Variants in INPP4A observed in about 807,000 individuals in gnomAD.
The protein encoded by INPP4A is inositol polyphosphate-4-phosphatase, type I, 107kD.
A neutral mutation model predicts 119.8 loss-of-function variants in INPP4A; 33 were observed. That is an observed-to-expected ratio of 0.28 (90% CI 0.21 to 0.37). The LOEUF (loss-of-function observed/expected upper bound fraction) is 0.37. INPP4A is among the 10% of genes least tolerant of loss of function. INPP4A has a pLI of 1.00. For missense variants in INPP4A, 956 were observed against 1,289.9 expected, an observed-to-expected ratio of 0.74 and a Z score of 3.97; for synonymous variants, 496 against 500.7, an observed-to-expected ratio of 0.99 and a Z score of 0.12.
At chr2:98,500,908 A>G (rs1040504341) in intron 1 of INPP4A, among the ~76,000 whole-genome samples, 2 of 152,252 alleles carry the variant, frequency 1.3e-5, no homozygotes, top group African/African-American at 4.8e-5. Context: ...TGTTACTGCC[A>G]CTGGTGGAAT....
chr2:98,514,068 C>G (rs1336701867), intron 1 of INPP4A, among the ~76,000 whole-genome samples: 1 of 152,216 alleles, frequency 6.6e-6, no homozygotes, highest in Admixed American at 6.5e-5. Flanking sequence ...GTCTGGAACA[C>G]TGTGGTAGAG....
At chr2:98,564,070 G>A (rs1167573392) in intron 18 of INPP4A, among the ~76,000 whole-genome samples, 3 of 152,060 alleles carry the variant, frequency 2.0e-5, no homozygotes, top group Non-Finnish European at 4.4e-5. Flanking sequence ...TTATTGTTGA[G>A]AGAAGTGAAG....
chr2:98,587,082 T>C (rs753514739), intron 24 of INPP4A, among the ~76,000 whole-genome samples: 4 of 152,244 alleles, frequency 2.6e-5, no homozygotes, highest in Non-Finnish European at 5.9e-5. Context: ...AGCTCTGAAG[T>C]GCAACTTTAG....
At chr2:98,478,874 G>T (rs1485967556) in intron 1 of INPP4A, among the ~76,000 whole-genome samples, 1 of 152,126 alleles carries the variant, frequency 6.6e-6, no homozygotes, top group South Asian at 2.1e-4. Flanking sequence ...AAGAGGTCCG[G>T]TTTTTTTGTA....
chr2:98,530,427 G>C (rs181292144), intron 4 of INPP4A, among the ~76,000 whole-genome samples: 2 of 152,102 alleles, frequency 1.3e-5, no homozygotes, highest in Non-Finnish European at 2.9e-5. Context: ...TCTAGGGTCC[G>C]TTAGGGGAAG....
chr2:98,450,522 G>C (rs1344623319), intron 1 of INPP4A, among the ~76,000 whole-genome samples: 1 of 152,218 alleles, frequency 6.6e-6, no homozygotes, highest in African/African-American at 2.4e-5. Context: ...CCAGCTAGCT[G>C]TGTGACTTTG....
chr2:98,475,550 C>T (rs1050871019), intron 1 of INPP4A, among the ~76,000 whole-genome samples: 1 of 152,200 alleles, frequency 6.6e-6, no homozygotes, highest in African/African-American at 2.4e-5. Flanking sequence ...GTGCAAAATA[C>T]ATTTAATCTG....
intron 1 of INPP4A, among the ~76,000 whole-genome samples, chr2:98,478,963 C>T (rs1236095866): frequency 6.6e-6 from 1 of 152,142 alleles, no homozygotes; most frequent in Non-Finnish European, 1.5e-5. Flanking sequence ...GATAGCTACT[C>T]CAACTTGAAT....
chr2:98,537,713 G>A (rs1690596518), intron 7 of INPP4A, 150 bp from the exon 8 acceptor site: 4 of 634,058 alleles, frequency 6.3e-6, no homozygotes. Context: ...GAGGAGCCCT[G>A]TGTGCACAGT....
intron 1 of INPP4A, among the ~76,000 whole-genome samples, chr2:98,491,476 C>A (rs187766588): frequency 6.6e-6 from 1 of 152,172 alleles, no homozygotes; most frequent in South Asian, 2.1e-4. Context: ...AGGAAGAAGC[C>A]GCACGTTTCC....
At chr2:98,514,355 C>T (rs76559614) in intron 1 of INPP4A, among the ~76,000 whole-genome samples, 83 of 152,196 alleles carry the variant, frequency 5.5e-4, no homozygotes, top group East Asian at 1.7e-3. Flanking sequence ...ATCTCTGGAG[C>T]GGTAAGAGTA....
At chr2:98,538,728 G>C (rs892842357) in intron 8 of INPP4A, among the ~76,000 whole-genome samples, 163 bp from the exon 9 acceptor site, 1 of 152,238 alleles carries the variant, frequency 6.6e-6, no homozygotes. Context: ...ACACTGGGAG[G>C]TGAATGACTT....
intron 4 of INPP4A, among the ~76,000 whole-genome samples, chr2:98,531,063 C>T (rs1431327821): frequency 2.0e-5 from 3 of 152,204 alleles, no homozygotes; most frequent in African/African-American, 7.2e-5. Context: ...TTTAAAGGCA[C>T]TAATCCCATT....
At chr2:98,444,678 T>G (rs1244967481), upstream of INPP4A, among the ~76,000 whole-genome samples, 1 of 152,096 alleles carries the variant, frequency 6.6e-6, no homozygotes, top group African/African-American at 2.4e-5. Flanking sequence ...CAGGATAGGG[T>G]GGGATCTTGT....
chr2:98,461,354 CGTG>C (rs1697119627), intron 1 of INPP4A, among the ~76,000 whole-genome samples: 1 of 152,202 alleles, frequency 6.6e-6, no homozygotes, highest in South Asian at 2.1e-4. Flanking sequence ...TTGCCAAGGC[CGTG>C]GCAGTCACTG....
At chr2:98,460,697 T>G (rs1696994738) in intron 1 of INPP4A, among the ~76,000 whole-genome samples, 1 of 152,180 alleles carries the variant, frequency 6.6e-6, no homozygotes, top group Non-Finnish European at 1.5e-5. Flanking sequence ...GCTTTACAGT[T>G]GTGGATGCTG....
intron 1 of INPP4A, among the ~76,000 whole-genome samples, chr2:98,515,705 C>T (rs139457104): frequency 1.3e-5 from 2 of 152,310 alleles, no homozygotes; most frequent in African/African-American, 4.8e-5. Context: ...CTGAGAGGTT[C>T]CTGAGGTGGA....
At chr2:98,578,309 G>T (rs1365110912) in intron 24 of INPP4A, among the ~76,000 whole-genome samples, 2 of 152,200 alleles carry the variant, frequency 1.3e-5, no homozygotes. Context: ...CCCATTAGCT[G>T]CACGGTGGTG....
chr2:98,462,487 T>G (rs1305784932), intron 1 of INPP4A, among the ~76,000 whole-genome samples: 1 of 152,080 alleles, frequency 6.6e-6, no homozygotes, highest in South Asian at 2.1e-4. Context: ...AAATAAAATA[T>G]TACCTTCTAG....
Sources: allele counts gnomAD v4.1 joint callset (sites outside exome capture counted in the v4.1 genomes callset), GRCh38; gene constraint gnomAD v4.1.1; transcripts MANE v1.5; gene names NCBI Gene and HGNC (gene_info 2026-07-23, HGNC 2026-07-21).